ERCC6L2: variants seen among roughly 807,000 people sequenced by gnomAD.
ERCC6L2 encodes ERCC excision repair 6 like 2, also known as DNA excision repair protein ERCC-6-like 2.
A neutral mutation model predicts 132.0 loss-of-function variants in ERCC6L2; 77 were observed. The observed-to-expected ratio is 0.58, with a 90% CI of 0.49 to 0.71. The LOEUF (loss-of-function observed/expected upper bound fraction) is 0.71, where lower values mean the gene tolerates loss of function less well. ERCC6L2 is among the 30% of genes least tolerant of loss of function. The probability of loss-of-function intolerance (pLI) is 0.00; values close to 1 mark genes in which losing one functional copy is unlikely to be tolerated. For missense variants in ERCC6L2, 1,542 were observed against 1,837.6 expected (o/e 0.84, Z 2.94); for synonymous variants, 583 against 632.4 (o/e 0.92, Z 1.17).
At chr9:95,960,752 C>T (rs926133320) in intron 13 of ERCC6L2, among the ~76,000 whole-genome samples, 2 of 152,140 alleles carry the variant, frequency 1.3e-5, no homozygotes, top group African/African-American at 4.8e-5. Context: ...CCCACCTCAG[C>T]ATCCCAAGTA....
intron 19 of ERCC6L2, among the ~76,000 whole-genome samples, chr9:96,037,505 C>G (rs1820450739): frequency 6.6e-6 from 1 of 152,162 alleles, no homozygotes; most frequent in Non-Finnish European, 1.5e-5. Context: ...TTGGTCATAT[C>G]TGGGGGAAGA....
intron 12 of ERCC6L2, among the ~76,000 whole-genome samples, chr9:95,944,626 G>A (rs1830963215): frequency 6.6e-6 from 1 of 152,084 alleles, no homozygotes; most frequent in Non-Finnish European, 1.5e-5. Flanking sequence ...GTGTATCGGG[G>A]AAATTCAGCC....
intron 7 of ERCC6L2, 107 bp from the exon 8 acceptor site, chr9:95,922,198 C>A: frequency 1.9e-6 from 1 of 533,756 alleles, no homozygotes; most frequent in Non-Finnish European, 3.3e-6. Flanking sequence ...ATTTATTGTG[C>A]CAAAGTAACC....
At chr9:95,934,644 C>A (rs1383983696) in intron 11 of ERCC6L2, among the ~76,000 whole-genome samples, 1 of 152,088 alleles carries the variant, frequency 6.6e-6, no homozygotes, top group South Asian at 2.1e-4. Flanking sequence ...CAGAATCATA[C>A]ACTAGTTGAC....
At chr9:95,885,916 G>A (rs1352141350) in intron 2 of ERCC6L2, among the ~76,000 whole-genome samples, 1 of 152,216 alleles carries the variant, frequency 6.6e-6, no homozygotes, top group African/African-American at 2.4e-5. Context: ...TGCTCAGACG[G>A]TGTGTTTTTC....
intron 11 of ERCC6L2, among the ~76,000 whole-genome samples, chr9:95,940,949 C>T (rs1215032417): frequency 6.6e-6 from 1 of 152,114 alleles, no homozygotes; most frequent in Non-Finnish European, 1.5e-5. Flanking sequence ...CCATGACTCA[C>T]TGCCATGCCA....
intron 19 of ERCC6L2, among the ~76,000 whole-genome samples, chr9:96,026,735 ACCACACACACAGC>A (rs1411478451): frequency 2.1e-5 from 3 of 145,784 alleles, no homozygotes; most frequent in South Asian, 2.2e-4. Flanking sequence ...AACACACCAC[ACCACACACACAGC>A]CCACACACAC....
chr9:96,040,353 G>C (rs1018071847), intron 20 of ERCC6L2, among the ~76,000 whole-genome samples: 2 of 152,142 alleles, frequency 1.3e-5, no homozygotes, highest in Admixed American at 6.5e-5. Context: ...GCTTTCTCTG[G>C]GTCTAGCTTG....
chr9:96,032,773 A>C (rs1834475736), intron 19 of ERCC6L2, among the ~76,000 whole-genome samples: 2 of 152,190 alleles, frequency 1.3e-5, no homozygotes, highest in Non-Finnish European at 2.9e-5. Context: ...GTCCTCTACA[A>C]ACCCCACCTA....
At chr9:95,994,994 A>G (rs62559760) in intron 17 of ERCC6L2, among the ~76,000 whole-genome samples, 13,364 of 152,220 alleles carry the variant, frequency 0.088, 662 homozygotes, top group Admixed American at 0.14. Context: ...TTCTTATTTC[A>G]TAAACATTCT....
chr9:95,886,725 G>A (rs1285606686), intron 2 of ERCC6L2, among the ~76,000 whole-genome samples: 2 of 152,202 alleles, frequency 1.3e-5, no homozygotes, highest in Non-Finnish European at 2.9e-5. Context: ...AACTTGATTG[G>A]ATTGAAGGAT....
intron 17 of ERCC6L2, among the ~76,000 whole-genome samples, chr9:95,988,155 A>T (rs1038381604): frequency 2.0e-5 from 3 of 152,222 alleles, no homozygotes; most frequent in African/African-American, 7.2e-5. Flanking sequence ...TACCCTGGAG[A>T]CATTTTCCTT....
rs1833919109 is a variant in ERCC6L2 at position 96,008,115 on chromosome 9, G to C, written c.3674+3414G>C. Among the ~76,000 whole-genome samples the C allele has an allele frequency of 2.6e-5, 4 of 152,262 alleles. No homozygotes were observed. The South Asian group carries it at 8.3e-4, about 32-fold the overall frequency. On this transcript the variant is annotated intron_variant, in intron 18 of 18. Transcript: ENST00000653738. ...TTTGCAGAGTGTGCCTTTTCACTTTGGGCAAATATTTTGCCAGGAGACTGA... is the reference window on the plus strand; with the variant it reads ...TTTGCAGAGTGTGCCTTTTCACTTTCGGCAAATATTTTGCCAGGAGACTGA...
intron 3 of ERCC6L2, among the ~76,000 whole-genome samples, chr9:95,900,895 T>A (rs1286925548): frequency 1.3e-5 from 2 of 152,292 alleles, no homozygotes; most frequent in East Asian, 3.9e-4. Flanking sequence ...TCATACCAAC[T>A]TTTTCTTAAC....
At chr9:95,920,630 C>T (rs989342777) in intron 6 of ERCC6L2, among the ~76,000 whole-genome samples, 2 of 151,890 alleles carry the variant, frequency 1.3e-5, no homozygotes, top group Non-Finnish European at 2.9e-5. Context: ...ATTATGATTT[C>T]TTTTAATTAA....
At chr9:95,918,724 C>T in intron 6 of ERCC6L2, 1 of 184,452 alleles carries the variant, frequency 5.4e-6, no homozygotes, top group South Asian at 1.0e-4. Flanking sequence ...ATGTGACCAT[C>T]AGTTAGAGAA....
At chr9:95,930,347 A>C (rs1484552054) in intron 11 of ERCC6L2, among the ~76,000 whole-genome samples, 1 of 152,138 alleles carries the variant, frequency 6.6e-6, no homozygotes, top group African/African-American at 2.4e-5. Context: ...GTCATTATAT[A>C]AGGAACCTTA....
At chr9:95,904,954 T>G (rs1476377523) in intron 3 of ERCC6L2, 1 of 152,194 alleles carries the variant, frequency 6.6e-6, no homozygotes, top group African/African-American at 2.4e-5. Context: ...ATATTCAGTT[T>G]TATAAAATTG....
rs142220671 is a variant in ERCC6L2, at chr9:95,934,842, A to G, written c.1751+5978A>G. ...GAGCTTTGAAGGGATCAGGAGAAAC[A>G]TCATTTTCTGTCTCTCATAACATTA... On this transcript the variant is annotated intron_variant, in intron 11 of 18. Coordinates refer to ENST00000653738, the MANE Select transcript of ERCC6L2 (RefSeq NM_020207.7). Among the ~76,000 whole-genome samples, 4 of 152,334 alleles carry G rather than the reference A, an allele frequency of 2.6e-5. No homozygotes were observed. In the East Asian group the frequency reaches 5.8e-4, roughly 22 times the overall value.
Sources: gnomAD v4.1 joint callset for allele counts (sites outside exome capture counted in the v4.1 genomes callset) on GRCh38, gnomAD v4.1.1 for gene constraint, MANE v1.5 for transcripts, NCBI Gene and HGNC (gene_info 2026-07-23, HGNC 2026-07-21) for gene names.